Variants in CNTNAP2 observed in about 807,000 individuals in gnomAD.
CNTNAP2 encodes contactin associated protein 2.
Under a neutral mutation model 155.2 loss-of-function variants are expected in CNTNAP2, and 98 were observed. The ratio of observed to expected loss-of-function variants is 0.63; its 90% CI spans 0.54 to 0.75. The LOEUF (loss-of-function observed/expected upper bound fraction) is 0.75, where lower values mean the gene tolerates loss of function less well. Ranked by LOEUF, CNTNAP2 falls within the 30% of genes least tolerant of loss-of-function variation. CNTNAP2 has a pLI of 0.00. For missense variants in CNTNAP2, 1,727 were observed against 1,688.1 expected (o/e 1.02, Z -0.40); for synonymous variants, 651 against 631.2 (o/e 1.03, Z -0.47).
chr7:147,589,069 C>T (rs550303229), intron 12 of CNTNAP2, among the ~76,000 whole-genome samples: 212 of 152,178 alleles, frequency 1.4e-3, no homozygotes, highest in African/African-American at 4.8e-3. Context: ...TTTATCATTT[C>T]CTTGAGCTGT....
intron 1 of CNTNAP2, among the ~76,000 whole-genome samples, chr7:146,134,535 T>C (rs918949379): frequency 0.015 from 2,289 of 151,532 alleles, 43 homozygotes; most frequent in African/African-American, 0.052. Flanking sequence ...CAGTATGATA[T>C]TGGCTGTGGG....
chr7:146,474,999 ACGCGCGCGCGCG>A (rs549568997), intron 1 of CNTNAP2, among the ~76,000 whole-genome samples: 2 of 138,510 alleles, frequency 1.4e-5, no homozygotes, highest in African/African-American at 5.2e-5. Flanking sequence ...ACGAGCGCGC[ACGCGCGCGCGCG>A]CGCACACACA....
chr7:147,693,817 A>G (rs117986992), intron 13 of CNTNAP2, among the ~76,000 whole-genome samples: 1 of 151,790 alleles, frequency 6.6e-6, no homozygotes, highest in Non-Finnish European at 1.5e-5. Context: ...TTCCTCTCCA[A>G]TATGTATACC....
At chr7:146,635,518 C>T (rs1488640606) in intron 1 of CNTNAP2, among the ~76,000 whole-genome samples, 4 of 152,098 alleles carry the variant, frequency 2.6e-5, no homozygotes, top group African/African-American at 4.8e-5. Context: ...GACACTAAAC[C>T]ATAAAACATC....
chr7:147,718,282 T>C lies in CNTNAP2; in HGVS notation c.2098+78976T>C, dbSNP rs561565842. The stretch of plus-strand genomic sequence containing the variant: ...GAACATTACTAAACTCCAGCTTTCA[T>C]AGTCATTTGTATGAGCACGTACTAC... On this transcript the variant is annotated intron_variant, in intron 13 of 23. Coordinates refer to ENST00000361727, the MANE Select transcript of CNTNAP2 (RefSeq NM_014141.6). 5.3e-5 allele frequency among the ~76,000 whole-genome samples: 8 copies of C among 152,234 alleles called. No individual in the cohort carries two copies. In the East Asian group the frequency reaches 9.7e-4, roughly 18 times the overall value.
chr7:146,700,905 A>G (rs1800865868), intron 1 of CNTNAP2, among the ~76,000 whole-genome samples: 1 of 152,170 alleles, frequency 6.6e-6, no homozygotes, highest in African/African-American at 2.4e-5. Flanking sequence ...CCAACAAAGG[A>G]TAAGAATCCC....
intron 1 of CNTNAP2, among the ~76,000 whole-genome samples, chr7:146,553,272 CAT>C (rs1348205159): frequency 6.6e-6 from 1 of 151,960 alleles, no homozygotes; most frequent in African/African-American, 2.4e-5. Context: ...TGAATCATAA[CAT>C]AGAAGAAGTC....
chr7:146,643,344 T>A (rs1799747288), intron 1 of CNTNAP2, among the ~76,000 whole-genome samples: 1 of 152,106 alleles, frequency 6.6e-6, no homozygotes, highest in Admixed American at 6.6e-5. Context: ...GTATAAGGTG[T>A]AAGGAAGGGA....
At chr7:148,302,544 G>A (rs1421034338) in intron 21 of CNTNAP2, among the ~76,000 whole-genome samples, 2 of 152,034 alleles carry the variant, frequency 1.3e-5, no homozygotes, top group Non-Finnish European at 2.9e-5. Context: ...ATCTCATCTC[G>A]AACTGTAATC....
At chr7:147,925,722 A>C (rs1234063355) in intron 14 of CNTNAP2, among the ~76,000 whole-genome samples, 1 of 152,130 alleles carries the variant, frequency 6.6e-6, no homozygotes, top group Non-Finnish European at 1.5e-5. Context: ...CGGCCTCCCA[A>C]AGTGCTGGGA....
At chr7:147,497,981 C>G (rs10245813) in intron 11 of CNTNAP2, among the ~76,000 whole-genome samples, 46,017 of 151,994 alleles carry the variant, frequency 0.3, 7,126 homozygotes, top group East Asian at 0.43. Flanking sequence ...GAGAGATTCT[C>G]AATAATAAGG....
rs180880240 is a variant in CNTNAP2 at position 147,469,894 on chromosome 7, A to G, written c.1671-16041A>G. Among the ~76,000 whole-genome samples, 9 of 152,252 alleles carry G rather than the reference A, an allele frequency of 5.9e-5. No individual in the cohort carries two copies. In the South Asian group the frequency reaches 6.2e-4, roughly 11 times the overall value. On this transcript the variant is annotated intron_variant, in intron 10 of 23. Coordinates refer to ENST00000361727, the MANE Select transcript of CNTNAP2 (RefSeq NM_014141.6). ...TTTGTGCACAAAGTCAAAAGTGATG[A>G]AAAAATTATCCATGAAGTTTTGTGG...
intron 2 of CNTNAP2, among the ~76,000 whole-genome samples, chr7:146,814,501 A>G (rs1803125489): frequency 6.6e-6 from 1 of 152,216 alleles, no homozygotes; most frequent in Admixed American, 6.5e-5. Flanking sequence ...AAATAAGAGA[A>G]TAGATAAAAA....
chr7:147,383,609 G>T (rs564398303), intron 9 of CNTNAP2, among the ~76,000 whole-genome samples: 2 of 151,992 alleles, frequency 1.3e-5, no homozygotes, highest in African/African-American at 4.8e-5. Context: ...ACCACGCACC[G>T]GGGCCTGTCG....
At chr7:147,186,629 A>G (rs1802572790) in intron 8 of CNTNAP2, among the ~76,000 whole-genome samples, 1 of 152,202 alleles carries the variant, frequency 6.6e-6, no homozygotes, top group Non-Finnish European at 1.5e-5. Context: ...TGTAAAAAGT[A>G]CACACTGGAG....
chr7:147,916,650 A>G (rs1305330946), intron 14 of CNTNAP2, among the ~76,000 whole-genome samples: 2 of 151,524 alleles, frequency 1.3e-5, no homozygotes, highest in Non-Finnish European at 2.9e-5. Context: ...ACTTGCTTGA[A>G]AAAGAGGGAG....
At chr7:146,641,709 A>G (rs973480063) in intron 1 of CNTNAP2, among the ~76,000 whole-genome samples, 1 of 152,170 alleles carries the variant, frequency 6.6e-6, no homozygotes, top group African/African-American at 2.4e-5. Context: ...AGTTTCATGC[A>G]GGTGTTTCGG....
chr7:147,367,531 A>T (rs2116907809), intron 9 of CNTNAP2, among the ~76,000 whole-genome samples: 1 of 152,350 alleles, frequency 6.6e-6, no homozygotes, highest in Non-Finnish European at 1.5e-5. Context: ...ATGATTAAAG[A>T]ACATAATAAT....
At chr7:147,737,435 T>TG (rs1796872822) in intron 13 of CNTNAP2, among the ~76,000 whole-genome samples, 1 of 152,216 alleles carries the variant, frequency 6.6e-6, no homozygotes, top group Non-Finnish European at 1.5e-5. Context: ...CTGCCCCTAC[T>TG]GGGGGGTGCC....
Sources: gnomAD v4.1 joint callset for allele counts (sites outside exome capture counted in the v4.1 genomes callset) on GRCh38, gnomAD v4.1.1 for gene constraint, MANE v1.5 for transcripts, NCBI Gene and HGNC (gene_info 2026-07-23, HGNC 2026-07-21) for gene names.